The following PYROXD2 variants were observed in gnomAD, a reference collection of about 807,000 sequenced individuals.
The protein encoded by PYROXD2 is pyridine nucleotide-disulphide oxidoreductase domain 2.
A neutral mutation model predicts 71.1 loss-of-function variants in PYROXD2; 69 were observed. The observed-to-expected ratio is 0.97, with a 90% CI of 0.80 to 1.19. The LOEUF (loss-of-function observed/expected upper bound fraction) is 1.19, where lower values mean the gene tolerates loss of function less well. Among genes scored for constraint, PYROXD2 ranks in the 50% most tolerant of loss-of-function variants. The pLI, the probability that PYROXD2 is intolerant of heterozygous loss-of-function variation, is 0.00. For synonymous variants in PYROXD2, 287 were observed against 302.7 expected, an observed-to-expected ratio of 0.95 and a Z score of 0.54; for missense variants, 745 against 748.9, an observed-to-expected ratio of 0.99 and a Z score of 0.06.
At chr10:98,390,293 T>G (rs959485754) in intron 12 of PYROXD2, among the ~76,000 whole-genome samples, 10 of 152,292 alleles carry the variant, frequency 6.6e-5, no homozygotes, top group African/African-American at 2.4e-4. Flanking sequence ...ATGAGAGAAC[T>G]TCCTTTGCTC....
chr10:98,401,457 C>T (rs1042290775), intron 4 of PYROXD2, among the ~76,000 whole-genome samples: 5 of 151,978 alleles, frequency 3.3e-5, no homozygotes, highest in South Asian at 2.1e-4. Flanking sequence ...ATATAGTACA[C>T]GTAGGCTACA....
intron 2 of PYROXD2, among the ~76,000 whole-genome samples, chr10:98,408,327 C>G (rs1030397475): frequency 1.6e-4 from 24 of 152,320 alleles, no homozygotes; most frequent in Admixed American, 6.5e-4. Context: ...GGATGTCGCT[C>G]TCCTCCAGGC....
Position 98,407,932 on chromosome 10 carries a change from AC to A in PYROXD2, c.212del (p.Gly71ValfsTer24), listed in dbSNP as rs1452982642. On this transcript the variant is annotated frameshift_variant, in exon 3 of 16. Coordinates refer to ENST00000370575, the MANE Select transcript of PYROXD2 (RefSeq NM_032709.3). LOFTEE classifies it high-confidence loss of function. Reference sequence around the variant, plus strand: ...GGATGATCTCCTCAGTGACAGCTGCACCCCCGATCACATGGCGCCTCTCGAA... The same window carrying A: ...GGATGATCTCCTCAGTGACAGCTGCACCCCGATCACATGGCGCCTCTCGAA... ...AVFERRHVIG[G>X]AAVTEEIIPG... 3.1e-6 allele frequency: 5 copies of A among 1,610,406 alleles called. No homozygotes were observed. The highest frequency in any genetic ancestry group is 3.3e-4 in the Middle Eastern group (2 of 6,060).
Position 98,407,570 on chromosome 10 carries a change from G to C in PYROXD2, c.315+12C>G. The C allele has an allele frequency of 6.2e-7, 1 of 1,613,372 alleles. No individual in the cohort carries two copies. The highest frequency in any genetic ancestry group is 1.1e-5 in the South Asian group (1 of 90,994). On this transcript the variant is annotated intron_variant, in intron 4 of 15. Coordinates refer to ENST00000370575, the MANE Select transcript of PYROXD2 (RefSeq NM_032709.3). ...CTCCCTCCGTGCAATCGGGCCGGCG[G>C]GGGGGCCCTACCTTCAGCTCCAGAT...
intron 10 of PYROXD2, among the ~76,000 whole-genome samples, 179 bp downstream of exon 10, chr10:98,392,250 TCTC>T (rs1481645501): frequency 5.9e-5 from 9 of 152,086 alleles, no homozygotes; most frequent in Non-Finnish European, 1.2e-4. Context: ...TCTGGCCCCT[TCTC>T]CCCACCTGTG....
chr10:98,394,499 G>C (rs1003458449), intron 8 of PYROXD2, among the ~76,000 whole-genome samples: 2 of 151,192 alleles, frequency 1.3e-5, no homozygotes, highest in Non-Finnish European at 2.9e-5. Context: ...TGTATCTTCT[G>C]GTGCACTGGA....
At chr10:98,406,891 CAAAAAAAAA>C (rs35562526) in intron 4 of PYROXD2, among the ~76,000 whole-genome samples, 1 of 73,118 alleles carries the variant, frequency 1.4e-5, no homozygotes, top group Non-Finnish European at 2.6e-5. Context: ...GACTCCGTCC[CAAAAAAAAA>C]AAAAAAAAAA....
chr10:98,391,204 G>C (rs1044156555), intron 10 of PYROXD2, 122 bp from the exon 11 acceptor site: 3 of 713,418 alleles, frequency 4.2e-6, no homozygotes, highest in Non-Finnish European at 7.5e-6. Flanking sequence ...ATCCTTCAAA[G>C]CTCAGCCAAA....
intron 10 of PYROXD2, 134 bp downstream of exon 10, chr10:98,392,298 C>G (rs6584191): frequency 0.4 from 570,288 of 1,430,062 alleles, 123,711 homozygotes; most frequent in African/African-American, 0.79. Context: ...GCCCTTACCC[C>G]CCTGTTTCCC....
chr10:98,401,614 T>C (rs1327643341), intron 4 of PYROXD2, among the ~76,000 whole-genome samples: 1 of 152,170 alleles, frequency 6.6e-6, no homozygotes, highest in Non-Finnish European at 1.5e-5. Context: ...TATAAAATAT[T>C]TTCTTTATAT....
Position 98,387,194 on chromosome 10 carries a change from T to C in PYROXD2, c.1554+7A>G. On this transcript the variant is annotated splice_region_variant and intron_variant, in intron 14 of 15. Coordinates refer to ENST00000370575, the MANE Select transcript of PYROXD2 (RefSeq NM_032709.3). ...TATGGTGAGAGACCCCCTAGGCTTA[T>C]ACATACCCCTCCAGGAAGCCCGAAG... 1.2e-6 allele frequency: 2 copies of C among 1,610,414 alleles called. No homozygotes were observed. The highest frequency in any genetic ancestry group is 2.7e-5 in the African/African-American group (2 of 74,976).
chr10:98,395,631 G>A (rs1043581847), intron 6 of PYROXD2, among the ~76,000 whole-genome samples, 179 bp from the exon 7 acceptor site: 2 of 152,154 alleles, frequency 1.3e-5, no homozygotes, highest in African/African-American at 4.8e-5. Flanking sequence ...TAGCTGCAGT[G>A]CCTGGGACAC....
At chr10:98,393,690 AG>A (rs1843034999) in intron 8 of PYROXD2, among the ~76,000 whole-genome samples, 1 of 152,026 alleles carries the variant, frequency 6.6e-6, no homozygotes, top group South Asian at 2.1e-4. Flanking sequence ...TCTCTCCTGC[AG>A]GTCTTGTCCA....
At chr10:98,386,781 T>C (rs1208992592) in intron 14 of PYROXD2, among the ~76,000 whole-genome samples, 3 of 152,192 alleles carry the variant, frequency 2.0e-5, no homozygotes. Context: ...ATCTTTCAAG[T>C]GCTCAGTAGC....
intron 12 of PYROXD2, 99 bp downstream of exon 12, chr10:98,390,499 G>T: frequency 7.5e-7 from 1 of 1,340,828 alleles, no homozygotes; most frequent in Non-Finnish European, 1.0e-6. Context: ...TGTGAAGGTT[G>T]AACACCAGGC....
At chr10:98,395,173 C>T (rs1843118952) in intron 8 of PYROXD2, 23 bp downstream of exon 8, 1 of 1,599,846 alleles carries the variant, frequency 6.3e-7, no homozygotes, top group African/African-American at 1.3e-5. Context: ...ACTCCTGTGT[C>T]CCACCTCACC....
chr10:98,403,300 G>A (rs1413614124), intron 4 of PYROXD2, among the ~76,000 whole-genome samples: 3 of 152,206 alleles, frequency 2.0e-5, no homozygotes, highest in African/African-American at 7.2e-5. Flanking sequence ...CCCATCCGCT[G>A]CCTCCAGAAT....
chr10:98,389,806 TAG>T (rs1272764225), intron 12 of PYROXD2, among the ~76,000 whole-genome samples: 3 of 152,212 alleles, frequency 2.0e-5, no homozygotes, highest in African/African-American at 7.2e-5. Context: ...CTCTCATGGA[TAG>T]AGAGTCAACG....
intron 12 of PYROXD2, among the ~76,000 whole-genome samples, chr10:98,389,215 A>G (rs1590934807): frequency 6.6e-6 from 1 of 151,986 alleles, no homozygotes; most frequent in East Asian, 1.9e-4. Context: ...TTTTCAGTAA[A>G]TGGAGGCATC....
Sources: allele counts gnomAD v4.1 joint callset (sites outside exome capture counted in the v4.1 genomes callset), GRCh38; gene constraint gnomAD v4.1.1; transcripts MANE v1.5; gene names NCBI Gene and HGNC (gene_info 2026-07-23, HGNC 2026-07-21).